The following DNAJC10 variants were observed in gnomAD, a reference collection of about 807,000 sequenced individuals.
The protein encoded by DNAJC10 is DnaJ heat shock protein family (Hsp40) member C10.
Under a neutral mutation model 115.0 loss-of-function variants are expected in DNAJC10, and 101 were observed. The observed-to-expected ratio is 0.88, with a 90% CI of 0.75 to 1.04. The LOEUF (loss-of-function observed/expected upper bound fraction) is 1.04. DNAJC10 is among the 50% of genes least tolerant of loss of function. DNAJC10 has a pLI of 0.00. For missense variants in DNAJC10, 981 were observed against 928.8 expected, an observed-to-expected ratio of 1.06 and a Z score of -0.73; for synonymous variants, 307 against 301.5, an observed-to-expected ratio of 1.02 and a Z score of -0.19.
chr2:182,755,825 C>G (rs1694143146), intron 17 of DNAJC10, among the ~76,000 whole-genome samples: 1 of 152,172 alleles, frequency 6.6e-6, no homozygotes, highest in Non-Finnish European at 1.5e-5. Flanking sequence ...GACATCCAGG[C>G]AGCCCTTGAA....
At chr2:182,753,823 C>A (rs1694089358) in intron 16 of DNAJC10, among the ~76,000 whole-genome samples, 1 of 152,014 alleles carries the variant, frequency 6.6e-6, no homozygotes, top group Non-Finnish European at 1.5e-5. Context: ...ACCTCGTGAT[C>A]CTCCCACCTC....
At chr2:182,729,082 G>T in intron 7 of DNAJC10, 88 bp downstream of exon 7, 1 of 1,365,796 alleles carries the variant, frequency 7.3e-7, no homozygotes. Flanking sequence ...AGAATTTGCA[G>T]AACATTTTAA....
At chr2:182,774,204 A>G (rs1026148713) in intron 22 of DNAJC10, among the ~76,000 whole-genome samples, 6 of 152,116 alleles carry the variant, frequency 3.9e-5, no homozygotes, top group African/African-American at 1.4e-4. Context: ...TTGCTGCCTG[A>G]TGCTTCCTCT....
At chr2:182,753,963 G>A (rs1020191684) in intron 16 of DNAJC10, among the ~76,000 whole-genome samples, 5 of 152,066 alleles carry the variant, frequency 3.3e-5, no homozygotes, top group Admixed American at 6.6e-5. Context: ...CTATGATATC[G>A]ATTTACCTGG....
chr2:182,773,945 G>A (rs1694636034), intron 22 of DNAJC10, among the ~76,000 whole-genome samples: 1 of 151,438 alleles, frequency 6.6e-6, no homozygotes, highest in Admixed American at 6.5e-5. Flanking sequence ...TTTCTGCTCT[G>A]GTTTCTCCCC....
At position 182,793,858 on chromosome 2, in the gene DNAJC10, A is replaced by ACACACAC. The variant is rs1230704824; in HGVS notation, c.*16727_*16733dup. On this transcript the variant is annotated 3_prime_UTR_variant, in exon 24 of 24. Coordinates refer to ENST00000264065, the MANE Select transcript of DNAJC10 (RefSeq NM_018981.4). ...CACACACACACACACACACACACAC[A>ACACACAC]CACACACTACCTACAAAAAAATAAC... 2 of 150,242 alleles carry ACACACAC rather than the reference A, an allele frequency of 1.3e-5. No individual in the cohort carries two copies. The highest frequency in any genetic ancestry group is 2.1e-4 in the South Asian group (1 of 4,778). The allele number at this position is 150,242 out of a possible 1,614,324, so 9.3% of individuals were successfully genotyped here.
chr2:182,740,107 A>T (rs183452111), intron 11 of DNAJC10, 192 bp from the exon 12 acceptor site: 5 of 1,060,492 alleles, frequency 4.7e-6, no homozygotes, highest in Non-Finnish European at 5.8e-6. Flanking sequence ...GAAACAGCTT[A>T]GTTATATAAT....
chr2:182,753,579 G>GTTTTTTTTTTTT (rs56151760), intron 16 of DNAJC10, among the ~76,000 whole-genome samples: 6 of 99,400 alleles, frequency 6.0e-5, no homozygotes, highest in Admixed American at 1.3e-4. Context: ...CTTTAGTTTA[G>GTTTTTTTTTTTT]TTTTTTTTTT....
At chr2:182,740,410 A>G (rs1262868790) in intron 12 of DNAJC10, 22 bp downstream of exon 12, 3 of 1,543,786 alleles carry the variant, frequency 1.9e-6, no homozygotes, top group Admixed American at 2.2e-5. Context: ...ATTAATAATG[A>G]TAAGTAGCAA....
intron 14 of DNAJC10, among the ~76,000 whole-genome samples, chr2:182,749,958 G>A (rs574111077): frequency 1.3e-5 from 2 of 152,250 alleles, no homozygotes; most frequent in South Asian, 4.1e-4. Flanking sequence ...TGATTGTCAG[G>A]AGGCCTAAGT....
chr2:182,723,299 G>T (rs1436293487), intron 5 of DNAJC10, among the ~76,000 whole-genome samples: 3 of 151,922 alleles, frequency 2.0e-5, no homozygotes, highest in Admixed American at 2.0e-4. Context: ...ACCCACGTTG[G>T]CCTCCCAAAG....
chr2:182,774,875 C>G (rs1045416669), intron 22 of DNAJC10, among the ~76,000 whole-genome samples: 7 of 152,246 alleles, frequency 4.6e-5, no homozygotes, highest in African/African-American at 1.7e-4. Context: ...ACCCACTGTC[C>G]AACCAGTCCC....
intron 1 of DNAJC10, among the ~76,000 whole-genome samples, 186 bp downstream of exon 1, chr2:182,716,669 C>G (rs1420251127): frequency 2.6e-5 from 4 of 152,210 alleles, no homozygotes; most frequent in Non-Finnish European, 4.4e-5. Context: ...CTCTGCCCAG[C>G]GATTCCCTCT....
chr2:182,763,696 G>A (rs1170780582), intron 22 of DNAJC10, among the ~76,000 whole-genome samples: 2 of 152,006 alleles, frequency 1.3e-5, no homozygotes, highest in African/African-American at 4.8e-5. Flanking sequence ...TCCATGCCCC[G>A]ACCTCAAATG....
chr2:182,748,550 T>C (rs1275261202), intron 14 of DNAJC10, among the ~76,000 whole-genome samples: 2 of 152,096 alleles, frequency 1.3e-5, no homozygotes, highest in African/African-American at 4.8e-5. Context: ...GATGGTAGTT[T>C]GTATTTCTGT....
intron 18 of DNAJC10, among the ~76,000 whole-genome samples, chr2:182,756,731 C>T (rs994429601): frequency 2.0e-5 from 3 of 151,708 alleles, no homozygotes; most frequent in Admixed American, 1.3e-4. Context: ...AGTGCAGTGG[C>T]GCAATCTCGG....
rs1694908543 is a variant in DNAJC10 at position 182,784,345 on chromosome 2, A to G, written c.*7213A>G. The G allele has an allele frequency of 6.6e-6, 1 of 152,056 alleles. No homozygotes were observed. 9.4% of individuals were successfully genotyped at this position (152,056 alleles called of 1,614,324 possible). A position where few individuals can be genotyped will look rare whatever the true frequency, so the allele number is the denominator to read the frequency against. On this transcript the variant is annotated 3_prime_UTR_variant, in exon 24 of 24. Coordinates refer to ENST00000264065, the MANE Select transcript of DNAJC10 (RefSeq NM_018981.4). ...TCTAAAAAAAAACAAAACAACAAAA[A>G]AAATCATTTTGTTGGTATTTTATAT...
intron 3 of DNAJC10, among the ~76,000 whole-genome samples, chr2:182,719,316 C>T (rs980610987): frequency 3.6e-5 from 5 of 139,814 alleles, no homozygotes; most frequent in African/African-American, 5.6e-5. Flanking sequence ...AGTGCAGTGA[C>T]GCCAGCGGCT....
intron 22 of DNAJC10, among the ~76,000 whole-genome samples, chr2:182,766,046 G>T (rs756723231): frequency 6.6e-6 from 1 of 152,182 alleles, no homozygotes. Context: ...ACATCAGTTT[G>T]CCAAATAGCA....
Sources: gnomAD v4.1 joint callset for allele counts (sites outside exome capture counted in the v4.1 genomes callset) on GRCh38, gnomAD v4.1.1 for gene constraint, MANE v1.5 for transcripts, NCBI Gene and HGNC (gene_info 2026-07-23, HGNC 2026-07-21) for gene names.